Variants in TESK2 observed in about 807,000 individuals in gnomAD.
TESK2 encodes the protein dual specificity testis-specific protein kinase 2.
Under a neutral mutation model 57.1 loss-of-function variants are expected in TESK2, and 39 were observed. The ratio of observed to expected loss-of-function variants is 0.68; its 90% CI spans 0.53 to 0.89. The LOEUF is 0.89. Among genes scored for constraint, TESK2 ranks in the 40% least tolerant of loss-of-function variants. TESK2 has a pLI of 0.00. For missense variants in TESK2, 646 were observed against 732.1 expected, an observed-to-expected ratio of 0.88 and a Z score of 1.36; for synonymous variants, 249 against 267.9, an observed-to-expected ratio of 0.93 and a Z score of 0.69.
At chr1:45,389,246 C>A (rs935883292) in intron 3 of TESK2, among the ~76,000 whole-genome samples, 2 of 152,066 alleles carry the variant, frequency 1.3e-5, no homozygotes, top group Non-Finnish European at 2.9e-5. Context: ...AGACCTGAGA[C>A]CTCGTCATAT....
intron 1 of TESK2, among the ~76,000 whole-genome samples, chr1:45,486,509 C>A (rs2149310043): frequency 6.6e-6 from 1 of 151,596 alleles, no homozygotes; most frequent in East Asian, 2.0e-4. Context: ...CCCATCTCTA[C>A]TAAAAATACA....
intron 3 of TESK2, among the ~76,000 whole-genome samples, chr1:45,411,150 T>G (rs1193216958): frequency 6.6e-6 from 1 of 152,204 alleles, no homozygotes; most frequent in East Asian, 1.9e-4. Flanking sequence ...CTTCTCCAAC[T>G]GCTCCTATAG....
intron 2 of TESK2, among the ~76,000 whole-genome samples, chr1:45,434,215 A>C (rs1651094352): frequency 1.3e-5 from 2 of 152,110 alleles, no homozygotes; most frequent in South Asian, 4.1e-4. Context: ...GCTGGTCTCG[A>C]ACTCCGGAGC....
intron 5 of TESK2, among the ~76,000 whole-genome samples, chr1:45,352,906 T>C (rs934854446): frequency 6.7e-6 from 1 of 149,868 alleles, no homozygotes; most frequent in African/African-American, 2.4e-5. Context: ...TTTTTTTTTC[T>C]TTTTTTTTTC....
chr1:45,357,230 TAAATAAATAA>T (rs1557541450), intron 4 of TESK2, among the ~76,000 whole-genome samples: 3 of 150,820 alleles, frequency 2.0e-5, no homozygotes, highest in Admixed American at 6.6e-5. Context: ...AATAAATAAA[TAAATAAATAA>T]ATGTATGTAT....
intron 1 of TESK2, among the ~76,000 whole-genome samples, chr1:45,487,019 G>A (rs1653511898): frequency 6.6e-6 from 1 of 151,576 alleles, no homozygotes; most frequent in Admixed American, 6.6e-5. Context: ...AGTAGAGACA[G>A]GGTTTCTCCA....
At chr1:45,449,742 G>A (rs1651796314) in intron 2 of TESK2, among the ~76,000 whole-genome samples, 1 of 152,192 alleles carries the variant, frequency 6.6e-6, no homozygotes, top group Non-Finnish European at 1.5e-5. Flanking sequence ...TAGTGAAAGT[G>A]TTAGAAATGA....
At position 45,344,922 on chromosome 1, in the gene TESK2, TC is replaced by T; in HGVS notation, c.1633del (p.Glu545LysfsTer17). Reference sequence around the variant, plus strand: ...TGGAGTTGAGCCTGCTGGCCTTTCTTCTACCTCCATCTCCTCAGAAGCACCC... The same window carrying T: ...TGGAGTTGAGCCTGCTGGCCTTTCTTTACCTCCATCTCCTCAGAAGCACCC... ...PAGASEEMEV[E>X]ERPAGSTPAT... On this transcript the variant is annotated frameshift_variant, in exon 11 of 11. Transcript: ENST00000372086. LOFTEE classifies it high-confidence loss of function. 6.2e-7 allele frequency: 1 copy of T among 1,614,204 alleles called. No homozygotes were observed. Among genetic ancestry groups the T allele is most frequent in the South Asian group, 1.1e-5 (1 of 91,082 alleles).
At chr1:45,354,075 G>T (rs1647307228) in intron 5 of TESK2, among the ~76,000 whole-genome samples, 1 of 152,196 alleles carries the variant, frequency 6.6e-6, no homozygotes, top group South Asian at 2.1e-4. Flanking sequence ...AAAGAAAACT[G>T]ATAGGCCCCT....
At chr1:45,365,571 T>C (rs1353765896) in intron 4 of TESK2, among the ~76,000 whole-genome samples, 1 of 152,078 alleles carries the variant, frequency 6.6e-6, no homozygotes, top group South Asian at 2.1e-4. Context: ...TGGAGCACAA[T>C]GGCATGATCT....
intron 1 of TESK2, among the ~76,000 whole-genome samples, chr1:45,476,656 G>T (rs1653003729): frequency 6.6e-6 from 1 of 151,606 alleles, no homozygotes; most frequent in Admixed American, 6.6e-5. Context: ...GGCCATCCTG[G>T]CTAACACGGT....
chr1:45,416,743 C>A (rs1650257916), intron 3 of TESK2, among the ~76,000 whole-genome samples: 1 of 152,000 alleles, frequency 6.6e-6, no homozygotes, highest in Non-Finnish European at 1.5e-5. Flanking sequence ...CCTCCCCCAT[C>A]CCATCCACTC....
At position 45,347,657 on chromosome 1, in the gene TESK2, T is replaced by C. The variant is rs1403294461; in HGVS notation, c.660A>G (p.Pro220=). Reference sequence around the variant, plus strand: ...GGAGAACCTCAGGTGCCATCCAGAATGGGGAACCCACCACGGCCAGCTTCT... The same window carrying C: ...GGAGAACCTCAGGTGCCATCCAGAACGGGGAACCCACCACGGCCAGCTTCT... The part of the protein sequence containing the change: ...GSEKLAVVGS[P]FWMAPEVLRD... The change falls in exon 7 of 11, where the codon CCA becomes CCG. Residue 220 remains proline (P), a synonymous_variant. Transcript: ENST00000372086. 3 of 1,614,080 alleles carry C rather than the reference T, an allele frequency of 1.9e-6. No homozygotes were observed. The highest frequency in any genetic ancestry group is 2.5e-6 in the Non-Finnish European group (3 of 1,179,994).
chr1:45,423,372 A>G (rs138372491), intron 2 of TESK2, among the ~76,000 whole-genome samples: 288 of 152,198 alleles, frequency 1.9e-3, no homozygotes, highest in African/African-American at 6.6e-3. Context: ...CCTGGCTAAC[A>G]TGGTGAAATC....
chr1:45,394,974 G>A (rs1016629447), intron 3 of TESK2, among the ~76,000 whole-genome samples: 2 of 151,890 alleles, frequency 1.3e-5, no homozygotes, highest in Non-Finnish European at 2.9e-5. Context: ...ACAGGCATTA[G>A]CCACTGCACC....
chr1:45,424,533 T>G (rs905933830), intron 2 of TESK2, among the ~76,000 whole-genome samples: 8 of 152,334 alleles, frequency 5.3e-5, no homozygotes, highest in South Asian at 4.1e-4. Flanking sequence ...CATGGATAAG[T>G]TAAAAGAAAC....
intron 4 of TESK2, among the ~76,000 whole-genome samples, chr1:45,368,183 A>AC (rs1648022575): frequency 7.3e-6 from 1 of 137,422 alleles, no homozygotes; most frequent in African/African-American, 2.7e-5. Flanking sequence ...TTTAATAGAG[A>AC]TGGGTTTCAC....
chr1:45,475,399 T>A (rs1570768639), intron 1 of TESK2, among the ~76,000 whole-genome samples: 1 of 151,456 alleles, frequency 6.6e-6, no homozygotes, highest in Admixed American at 6.6e-5. Flanking sequence ...TGGAGACGGG[T>A]TTTCATCATG....
At chr1:45,452,279 G>A (rs1651903013) in intron 2 of TESK2, among the ~76,000 whole-genome samples, 1 of 152,096 alleles carries the variant, frequency 6.6e-6, no homozygotes, top group Non-Finnish European at 1.5e-5. Flanking sequence ...TGCATTAAAT[G>A]TATGCAAATA....
Sources: gnomAD v4.1 joint callset for allele counts (sites outside exome capture counted in the v4.1 genomes callset) on GRCh38, gnomAD v4.1.1 for gene constraint, MANE v1.5 for transcripts, NCBI Gene and HGNC (gene_info 2026-07-23, HGNC 2026-07-21) for gene names.